Variants in GLI2 observed in about 807,000 individuals in gnomAD.
GLI2 encodes GLI family zinc finger 2.
A neutral mutation model predicts 78.9 loss-of-function variants in GLI2; 22 were observed. The observed-to-expected ratio is 0.28, with a 90% CI of 0.20 to 0.40. The LOEUF is 0.40. Among genes scored for constraint, GLI2 ranks in the 10% least tolerant of loss-of-function variants. The pLI, the probability that GLI2 is intolerant of heterozygous loss-of-function variation, is 1.00. For missense variants in GLI2, 2,097 were observed against 2,213.2 expected (o/e 0.95, Z 1.05); for synonymous variants, 974 against 963.7 (o/e 1.01, Z -0.20).
intron 5 of GLI2, among the ~76,000 whole-genome samples, chr2:120,960,753 T>C (rs987469463): frequency 6.6e-6 from 1 of 152,272 alleles, no homozygotes; most frequent in East Asian, 1.9e-4. Flanking sequence ...TCTTGTGGGA[T>C]TGGAAAGCCA....
chr2:120,798,673 G>A (rs1684534821), intron 2 of GLI2, among the ~76,000 whole-genome samples: 1 of 144,830 alleles, frequency 6.9e-6, no homozygotes, highest in Non-Finnish European at 1.6e-5. Flanking sequence ...CCCTTGGACG[G>A]GGACTCTCTA....
chr2:120,793,673 C>T (rs1024372200), intron 1 of GLI2, among the ~76,000 whole-genome samples: 6 of 152,206 alleles, frequency 3.9e-5, no homozygotes, highest in East Asian at 1.9e-4. Flanking sequence ...GGAATCCCCC[C>T]GCTGCATCTG....
At chr2:120,920,997 A>G (rs1679347124) in intron 2 of GLI2, among the ~76,000 whole-genome samples, 2 of 151,744 alleles carry the variant, frequency 1.3e-5, no homozygotes, top group South Asian at 2.1e-4. Flanking sequence ...CTTCCCACGC[A>G]TCTTCATGCT....
chr2:120,948,010 G>A (rs1481032297), intron 3 of GLI2, among the ~76,000 whole-genome samples: 2 of 152,178 alleles, frequency 1.3e-5, no homozygotes, highest in Non-Finnish European at 2.9e-5. Flanking sequence ...ATCTGTTCTG[G>A]GGTAGGATAG....
chr2:120,759,760 T>TA (rs1227144663), intron 1 of GLI2, among the ~76,000 whole-genome samples: 6 of 151,962 alleles, frequency 3.9e-5, no homozygotes, highest in Non-Finnish European at 7.4e-5. Context: ...AGGTTGGAGG[T>TA]AGGGCTGAAA....
intron 1 of GLI2, among the ~76,000 whole-genome samples, chr2:120,769,445 C>T (rs1573360195): frequency 6.6e-6 from 1 of 152,226 alleles, no homozygotes; most frequent in Non-Finnish European, 1.5e-5. Flanking sequence ...TTAGTTCCTT[C>T]TCTCCTGGAA....
At chr2:120,985,283 G>A (rs1410560180) in intron 12 of GLI2, among the ~76,000 whole-genome samples, 1 of 152,190 alleles carries the variant, frequency 6.6e-6, no homozygotes, top group Non-Finnish European at 1.5e-5. Flanking sequence ...GCTGCTGCCT[G>A]GCAGAGACTC....
At chr2:120,789,188 C>T (rs1179499452) in intron 1 of GLI2, among the ~76,000 whole-genome samples, 2 of 151,990 alleles carry the variant, frequency 1.3e-5, no homozygotes, top group Non-Finnish European at 2.9e-5. Flanking sequence ...CCTGCCACCA[C>T]ACCTGGCTGA....
chr2:120,782,127 G>A (rs750947582), intron 1 of GLI2, among the ~76,000 whole-genome samples: 1 of 152,188 alleles, frequency 6.6e-6, no homozygotes, highest in Non-Finnish European at 1.5e-5. Flanking sequence ...GTCTCGCTAC[G>A]ATAGCAATTT....
chr2:120,864,061 G>A (rs1688020057), intron 2 of GLI2, among the ~76,000 whole-genome samples: 3 of 152,244 alleles, frequency 2.0e-5, no homozygotes, highest in Admixed American at 2.0e-4. Flanking sequence ...TACCTACTGG[G>A]CTTTGGTGGA....
intron 2 of GLI2, among the ~76,000 whole-genome samples, chr2:120,870,402 T>A (rs1240209740): frequency 6.6e-6 from 1 of 152,196 alleles, no homozygotes. Flanking sequence ...GATGAATAGA[T>A]GAATGAGTGG....
chr2:120,777,268 G>A (rs1195427042), intron 1 of GLI2, among the ~76,000 whole-genome samples: 3 of 152,120 alleles, frequency 2.0e-5, no homozygotes, highest in African/African-American at 7.2e-5. Flanking sequence ...GTTTATGTGT[G>A]AGTGAGGGTG....
chr2:120,920,235 C>T (rs1224517147), intron 2 of GLI2, among the ~76,000 whole-genome samples: 1 of 152,264 alleles, frequency 6.6e-6, no homozygotes. Context: ...GCCTCTCTGC[C>T]GTGGAACAGG....
chr2:120,898,862 A>G (rs1678107915), intron 2 of GLI2, among the ~76,000 whole-genome samples: 1 of 152,234 alleles, frequency 6.6e-6, no homozygotes, highest in Admixed American at 6.5e-5. Context: ...CCAGAATGAA[A>G]GAGCAAGTTA....
intron 2 of GLI2, among the ~76,000 whole-genome samples, chr2:120,922,294 G>A (rs969810353): frequency 6.6e-6 from 1 of 152,212 alleles, no homozygotes; most frequent in African/African-American, 2.4e-5. Flanking sequence ...AGGGTGAGCG[G>A]AAGGGTCTGG....
intron 2 of GLI2, among the ~76,000 whole-genome samples, chr2:120,897,353 G>T (rs1416325794): frequency 5.3e-5 from 8 of 152,142 alleles, no homozygotes; most frequent in Admixed American, 5.2e-4. Context: ...TTGCTCAAGA[G>T]CCTGAACACT....
chr2:120,838,453 T>C (rs1260438476), intron 2 of GLI2, among the ~76,000 whole-genome samples: 1 of 152,210 alleles, frequency 6.6e-6, no homozygotes, highest in East Asian at 1.9e-4. Flanking sequence ...GGTGATAGCT[T>C]TTTCCTTTCT....
At chr2:120,955,520 G>A in intron 5 of GLI2, 90 bp downstream of exon 5, 1 of 863,836 alleles carries the variant, frequency 1.2e-6, no homozygotes, top group Non-Finnish European at 1.8e-6. Context: ...TTGGGGACAA[G>A]GACCCTTAAG....
intron 4 of GLI2, among the ~76,000 whole-genome samples, chr2:120,953,071 T>C (rs2104956985): frequency 6.6e-6 from 1 of 152,368 alleles, no homozygotes; most frequent in Admixed American, 6.5e-5. Context: ...GTCCATATCC[T>C]AATCCCCAAA....
Sources: allele counts gnomAD v4.1 joint callset (sites outside exome capture counted in the v4.1 genomes callset), GRCh38; gene constraint gnomAD v4.1.1; transcripts MANE v1.5; gene names NCBI Gene and HGNC (gene_info 2026-07-23, HGNC 2026-07-21).